The following TENM4 variants were observed in gnomAD, a reference collection of about 807,000 sequenced individuals.
TENM4 encodes the protein teneurin transmembrane protein 4, also known as teneurin-4.
A neutral mutation model predicts 243.3 loss-of-function variants in TENM4; 82 were observed. That is an observed-to-expected ratio of 0.34 (90% CI 0.28 to 0.40). The LOEUF is 0.40. Among genes scored for constraint, TENM4 ranks in the 10% least tolerant of loss-of-function variants. The pLI is 1.00. For synonymous variants in TENM4, 1,412 were observed against 1,456.3 expected, an observed-to-expected ratio of 0.97 and a Z score of 0.69; for missense variants, 3,138 against 3,673.3, an observed-to-expected ratio of 0.85 and a Z score of 3.77.
chr11:79,231,580 C>T (rs1864374090), intron 2 of TENM4, among the ~76,000 whole-genome samples: 1 of 152,174 alleles, frequency 6.6e-6, no homozygotes, highest in African/African-American at 2.4e-5. Flanking sequence ...GCTGCGTGAC[C>T]TCAGCCAAGT....
chr11:79,373,330 C>CTGGATGGA (rs1289784552), intron 1 of TENM4, among the ~76,000 whole-genome samples: 3 of 96,136 alleles, frequency 3.1e-5, no homozygotes, highest in South Asian at 2.6e-4. Context: ...GGCTGGCTGG[C>CTGGATGGA]TGGATGGATG....
intron 1 of TENM4, among the ~76,000 whole-genome samples, chr11:79,340,433 C>T (rs1857222847): frequency 6.6e-6 from 1 of 152,104 alleles, no homozygotes; most frequent in Admixed American, 6.5e-5. Flanking sequence ...GATGGCCAGA[C>T]ATACACACTA....
rs569201299 is a variant in TENM4 at position 78,754,847 on chromosome 11, C to T, written c.2756+1958G>A. On this transcript the variant is annotated intron_variant, in intron 19 of 33. Transcript: ENST00000278550. ...CGGGGGTAAGTTGGAGGGTTCGGAC[C>T]ATCAAGTAGCTTCACCTCTAGAAAG... Among the ~76,000 whole-genome samples, 4 of 152,316 alleles carry T rather than the reference C, an allele frequency of 2.6e-5. 1 individual carries two copies. The South Asian group carries it at 8.3e-4, about 32-fold the overall frequency.
At chr11:78,752,184 G>C (rs1856204307) in intron 19 of TENM4, among the ~76,000 whole-genome samples, 1 of 152,194 alleles carries the variant, frequency 6.6e-6, no homozygotes, top group African/African-American at 2.4e-5. Context: ...ACCTGCTCTG[G>C]ACCCAGCACT....
intron 6 of TENM4, among the ~76,000 whole-genome samples, chr11:78,954,389 G>A (rs77843620): frequency 6.6e-6 from 1 of 152,248 alleles, no homozygotes; most frequent in African/African-American, 2.4e-5. Flanking sequence ...CCCAAGGGAT[G>A]TGATTTCAGG....
intron 12 of TENM4, among the ~76,000 whole-genome samples, chr11:78,835,595 C>T (rs1350705037): frequency 3.3e-5 from 5 of 152,212 alleles, no homozygotes; most frequent in Non-Finnish European, 7.3e-5. Flanking sequence ...CCTCATCCTC[C>T]TTTTCTGGCT....
At chr11:79,095,797 C>A (rs188339596) in intron 4 of TENM4, among the ~76,000 whole-genome samples, 23 of 152,332 alleles carry the variant, frequency 1.5e-4, no homozygotes, top group African/African-American at 5.5e-4. Context: ...AGTAACCTGG[C>A]AAAGTATTTT....
chr11:78,829,254 G>A (rs1459617187), intron 12 of TENM4, among the ~76,000 whole-genome samples: 1 of 152,166 alleles, frequency 6.6e-6, no homozygotes, highest in African/African-American at 2.4e-5. Context: ...CTTGTCTCTG[G>A]CATGTTTTGA....
At chr11:79,243,097 A>C (rs670492) in intron 2 of TENM4, among the ~76,000 whole-genome samples, 71,242 of 151,824 alleles carry the variant, frequency 0.47, 17,789 homozygotes, top group African/African-American at 0.65. Flanking sequence ...CTGGGGCTCC[A>C]CTTTTGTTCC....
chr11:79,217,665 TAC>T lies in TENM4; in HGVS notation c.-264-1758_-264-1757del, dbSNP rs1590802614. On this transcript the variant is annotated intron_variant, in intron 2 of 33. Coordinates refer to ENST00000278550, the MANE Select transcript of TENM4 (RefSeq NM_001098816.3). ...GAACATTCAGCAGCCTCTGGCCAAG[TAC>T]AGAGTATCCTGTTGGTACTCTCCAG... 2.6e-5 allele frequency among the ~76,000 whole-genome samples: 4 copies of T among 152,168 alleles called. No homozygotes were observed. The East Asian group carries it at 7.7e-4, about 29-fold the overall frequency.
chr11:78,943,296 G>A (rs755705448), intron 6 of TENM4, among the ~76,000 whole-genome samples: 13 of 152,222 alleles, frequency 8.5e-5, no homozygotes, highest in African/African-American at 3.1e-4. Flanking sequence ...TGAAGCTTGA[G>A]TTATGTTCCA....
chr11:79,122,054 CT>C (rs1861755704), intron 4 of TENM4, among the ~76,000 whole-genome samples: 1 of 152,134 alleles, frequency 6.6e-6, no homozygotes, highest in Non-Finnish European at 1.5e-5. Flanking sequence ...ATTTCAATGT[CT>C]AACAGAGATT....
intron 2 of TENM4, among the ~76,000 whole-genome samples, chr11:79,249,666 A>G (rs1474581991): frequency 1.3e-5 from 2 of 152,212 alleles, no homozygotes; most frequent in Non-Finnish European, 1.5e-5. Context: ...CTTTCTCTAT[A>G]CACAATGTTA....
In TENM4 at chr11:78,653,406, T is replaced by C. The variant is rs1857817033; in HGVS notation, c.*4652A>G. ...CATTTATTTACAGCCTTGTTGGTATTTACACAGTCAAGATACAGTGTTAGA... is the reference window on the plus strand; with the variant it reads ...CATTTATTTACAGCCTTGTTGGTATCTACACAGTCAAGATACAGTGTTAGA... On this transcript the variant is annotated 3_prime_UTR_variant, in exon 34 of 34. Coordinates refer to ENST00000278550, the MANE Select transcript of TENM4 (RefSeq NM_001098816.3). 6.6e-6 allele frequency: 1 copy of C among 152,190 alleles called. No homozygotes were observed. The highest frequency in any genetic ancestry group is 1.5e-5 in the Non-Finnish European group (1 of 68,030). The allele number at this position is 152,190 out of a possible 1,614,324, so 9.4% of individuals were successfully genotyped here.
chr11:78,776,178 A>G (rs975217486), intron 17 of TENM4, among the ~76,000 whole-genome samples: 1 of 152,160 alleles, frequency 6.6e-6, no homozygotes, highest in Non-Finnish European at 1.5e-5. Context: ...CTTTCACAAT[A>G]GGGCCAGACT....
At chr11:78,898,148 C>T (rs1023876034) in intron 7 of TENM4, among the ~76,000 whole-genome samples, 2 of 152,212 alleles carry the variant, frequency 1.3e-5, no homozygotes, top group African/African-American at 4.8e-5. Context: ...AAAGCAACAT[C>T]TTACCCCAGC....
At chr11:79,202,734 G>A (rs903819220) in intron 3 of TENM4, among the ~76,000 whole-genome samples, 4 of 152,210 alleles carry the variant, frequency 2.6e-5, no homozygotes, top group African/African-American at 4.8e-5. Flanking sequence ...GAAGAGCAGT[G>A]CTCTGGGCTT....
chr11:78,818,025 C>A, intron 12 of TENM4, among the ~76,000 whole-genome samples: 1 of 152,080 alleles, frequency 6.6e-6, no homozygotes, highest in East Asian at 1.9e-4. Flanking sequence ...TGACTGTGAA[C>A]TCCTTGAGGA....
At chr11:79,296,229 G>C (rs1310657286) in intron 2 of TENM4, among the ~76,000 whole-genome samples, 1 of 152,096 alleles carries the variant, frequency 6.6e-6, no homozygotes, top group Non-Finnish European at 1.5e-5. Flanking sequence ...AGACAACTCA[G>C]CAAAAGCAGA....
Sources: allele counts gnomAD v4.1 joint callset (sites outside exome capture counted in the v4.1 genomes callset), GRCh38; gene constraint gnomAD v4.1.1; transcripts MANE v1.5; gene names NCBI Gene and HGNC (gene_info 2026-07-23, HGNC 2026-07-21).